The following IL1RAPL2 variants were observed in gnomAD, a reference collection of about 807,000 sequenced individuals.
The protein encoded by IL1RAPL2 is interleukin 1 receptor accessory protein like 2.
In IL1RAPL2, 3 loss-of-function variants were observed where a neutral mutation model predicts 44.1. The observed-to-expected ratio is 0.07, with a 90% confidence interval of 0.03 to 0.18. The LOEUF (loss-of-function observed/expected upper bound fraction) is 0.18. IL1RAPL2 is among the 10% of genes least tolerant of loss of function. The probability of loss-of-function intolerance (pLI) is 1.00; values close to 1 mark genes in which losing one functional copy is unlikely to be tolerated. For synonymous variants in IL1RAPL2, 181 were observed against 178.8 expected (o/e 1.01, Z -0.10); for missense variants, 391 against 496.4 (o/e 0.79, Z 2.02).
chrX:104,749,118 A>G (rs1932218127), intron 2 of IL1RAPL2, among the ~76,000 whole-genome samples: 1 of 111,578 alleles, frequency 9.0e-6, no homozygotes, highest in Admixed American at 9.5e-5. Flanking sequence ...GGTAGAAGAT[A>G]TAGAGAAACT....
chrX:105,084,351 G>A (rs1420630951), intron 2 of IL1RAPL2, among the ~76,000 whole-genome samples: 1 of 112,825 alleles, frequency 8.9e-6, no homozygotes, highest in Non-Finnish European at 1.9e-5. Context: ...GGGGACCGGG[G>A]GTGCCCCACC....
chrX:104,925,170 C>T (rs1191271990), intron 2 of IL1RAPL2, among the ~76,000 whole-genome samples: 1 of 100,802 alleles, frequency 9.9e-6, no homozygotes, highest in African/African-American at 3.7e-5. Context: ...AAATCCTAAA[C>T]ATACCAATGA....
At chrX:105,708,449 T>C (rs1316370748) in intron 6 of IL1RAPL2, among the ~76,000 whole-genome samples, 1 of 112,016 alleles carries the variant, frequency 8.9e-6, no homozygotes, top group Non-Finnish European at 1.9e-5. Context: ...ATTCATTTTT[T>C]TTCCAAACTT....
chrX:105,583,627 T>G (rs1363042026), intron 6 of IL1RAPL2, among the ~76,000 whole-genome samples: 1 of 112,164 alleles, frequency 8.9e-6, no homozygotes, highest in Non-Finnish European at 1.9e-5. Flanking sequence ...CTTTCTTGTT[T>G]CATATAAATC....
chrX:104,602,526 G>A (rs1295119251), intron 1 of IL1RAPL2, among the ~76,000 whole-genome samples: 2 of 111,653 alleles, frequency 1.8e-5, no homozygotes, highest in Non-Finnish European at 3.8e-5. Flanking sequence ...GAGCCAAGTG[G>A]TCTGACTCGG....
intron 4 of IL1RAPL2, among the ~76,000 whole-genome samples, chrX:105,259,419 G>T (rs1004927384): frequency 9.0e-6 from 1 of 111,432 alleles, no homozygotes; most frequent in Non-Finnish European, 1.9e-5. Flanking sequence ...TAGCTCTGGG[G>T]TGATCTCAGT....
chrX:105,392,744 T>C (rs1201463680), intron 5 of IL1RAPL2, among the ~76,000 whole-genome samples: 3 of 112,151 alleles, frequency 2.7e-5, no homozygotes, highest in East Asian at 2.8e-4. Flanking sequence ...TATGGAGATA[T>C]ATGTATAAAT....
chrX:104,778,698 T>C lies in IL1RAPL2; in HGVS notation c.82+119703T>C, dbSNP rs762440007. Among the ~76,000 whole-genome samples, 152 of 108,475 alleles carry C rather than the reference T, an allele frequency of 1.4e-3. 1 individual carries two copies. Among genetic ancestry groups the C allele is most frequent in the Middle Eastern group, 4.8e-3 (1 of 209 alleles). The allele number at this position is 108,475 out of a possible 115,157, so 94.2% of individuals were successfully genotyped here. A position where few individuals can be genotyped will look rare whatever the true frequency, so the allele number is the denominator to read the frequency against. ...ATTTATATATATAAAATTTGAGATA[T>C]ATAGATTATTATTTGAGATATATAT... On this transcript the variant is annotated intron_variant, in intron 2 of 10. Coordinates refer to ENST00000372582, the MANE Select transcript of IL1RAPL2 (RefSeq NM_017416.2).
intron 2 of IL1RAPL2, among the ~76,000 whole-genome samples, chrX:105,194,201 C>T (rs1797223184): frequency 8.9e-6 from 1 of 111,923 alleles, no homozygotes; most frequent in African/African-American, 3.3e-5. Context: ...AGTTATTACA[C>T]TTAAACATTG....
chrX:105,043,471 C>A (rs1306368517), intron 2 of IL1RAPL2, among the ~76,000 whole-genome samples: 2 of 109,637 alleles, frequency 1.8e-5, no homozygotes, highest in Non-Finnish European at 3.8e-5. Context: ...AACTCCCAAT[C>A]CCTTCTTCTA....
chrX:105,531,936 A>G, intron 6 of IL1RAPL2, among the ~76,000 whole-genome samples: 1 of 111,521 alleles, frequency 9.0e-6, no homozygotes, highest in East Asian at 2.8e-4. Context: ...TTGTGCCAGT[A>G]CCATGCTGTT....
chrX:105,282,040 A>C (rs961622289), intron 5 of IL1RAPL2, among the ~76,000 whole-genome samples: 1 of 111,898 alleles, frequency 8.9e-6, no homozygotes, highest in Non-Finnish European at 1.9e-5. Flanking sequence ...AGCCATATAA[A>C]TAGGTATTAA....
chrX:105,678,922 G>GCACAATAA (rs775125051), intron 6 of IL1RAPL2, among the ~76,000 whole-genome samples: 41 of 110,844 alleles, frequency 3.7e-4, no homozygotes, highest in South Asian at 3.8e-4. Flanking sequence ...AAATATGTAT[G>GCACAATAA]CACAATAAAA....
At chrX:105,542,034 G>A (rs2036741164) in intron 6 of IL1RAPL2, among the ~76,000 whole-genome samples, 1 of 111,470 alleles carries the variant, frequency 9.0e-6, no homozygotes, top group South Asian at 3.8e-4. Context: ...CTTTGCCGTT[G>A]TACATTCAGT....
intron 5 of IL1RAPL2, among the ~76,000 whole-genome samples, chrX:105,425,569 T>C (rs2035803374): frequency 9.2e-6 from 1 of 108,193 alleles, no homozygotes; most frequent in Admixed American, 1.0e-4. Flanking sequence ...GTTTTTTGAC[T>C]CAGTGTAACT....
Position 105,555,364 on chromosome X carries a change from GC to G in IL1RAPL2, c.772+70979del, listed in dbSNP as rs774426828. ...GAAAGCTAAGGTAACTATCAGGGTT[GC>G]CTTGCTTATTTCCCTTCTTTCAGGG... On this transcript the variant is annotated intron_variant, in intron 6 of 10. Coordinates refer to ENST00000372582, the MANE Select transcript of IL1RAPL2 (RefSeq NM_017416.2). Among the ~76,000 whole-genome samples the G allele has an allele frequency of 5.4e-5, 6 of 111,339 alleles. No individual in the cohort carries two copies. In the East Asian group the frequency reaches 1.7e-3, roughly 32 times the overall value.
At chrX:104,570,827 CT>C (rs1430994822) in intron 1 of IL1RAPL2, among the ~76,000 whole-genome samples, 1 of 111,997 alleles carries the variant, frequency 8.9e-6, no homozygotes, top group African/African-American at 3.2e-5. Flanking sequence ...ACCTTGGCTT[CT>C]CTCTTGAGTT....
intron 2 of IL1RAPL2, among the ~76,000 whole-genome samples, chrX:104,780,220 G>A (rs1009125094): frequency 3.6e-5 from 4 of 111,398 alleles, no homozygotes; most frequent in Non-Finnish European, 3.8e-5. Flanking sequence ...CTTACACATT[G>A]CAGAATTGCT....
intron 5 of IL1RAPL2, among the ~76,000 whole-genome samples, chrX:105,349,481 A>G (rs1206403078): frequency 1.8e-5 from 2 of 112,005 alleles, no homozygotes; most frequent in Non-Finnish European, 3.8e-5. Flanking sequence ...AGTAATTCCC[A>G]CAAGTATAAT....
Sources: gnomAD v4.1 joint callset for allele counts (sites outside exome capture counted in the v4.1 genomes callset) on GRCh38, gnomAD v4.1.1 for gene constraint, MANE v1.5 for transcripts, NCBI Gene and HGNC (gene_info 2026-07-23, HGNC 2026-07-21) for gene names.